The following ARHGEF40 variants were observed in gnomAD, a reference collection of about 807,000 sequenced individuals.
ARHGEF40 encodes the protein Rho guanine nucleotide exchange factor 40, also known as Rho guanine nucleotide exchange factor (GEF) 40.
In ARHGEF40, 98 loss-of-function variants were observed where a neutral mutation model predicts 165.9. That is an observed-to-expected ratio of 0.59 (90% CI 0.50 to 0.70). ARHGEF40 has a LOEUF of 0.70. Among genes scored for constraint, ARHGEF40 ranks in the 30% least tolerant of loss-of-function variants. The probability of loss-of-function intolerance (pLI) is 0.00; values close to 1 mark genes in which losing one functional copy is unlikely to be tolerated. For synonymous variants in ARHGEF40, 792 were observed against 814.3 expected (o/e 0.97, Z 0.47); for missense variants, 1,815 against 1,968.0 (o/e 0.92, Z 1.47).
chr14:21,065,821 G>A (rs866946511), upstream of ARHGEF40, among the ~76,000 whole-genome samples: 8 of 152,324 alleles, frequency 5.3e-5, no homozygotes, highest in South Asian at 6.2e-4. Flanking sequence ...AGAAGGGGCC[G>A]AATGCAGTGG....
At chr14:21,082,565 C>T in intron 15 of ARHGEF40, 87 bp downstream of exon 15, 1 of 1,374,070 alleles carries the variant, frequency 7.3e-7, no homozygotes, top group Non-Finnish European at 9.7e-7. Flanking sequence ...GTACCCACGG[C>T]CCTCTCCTCC....
Position 21,083,384 on chromosome 14 carries a change from CAAA to C in ARHGEF40, c.3574-437_3574-435del, listed in dbSNP as rs59831663. Among the ~76,000 whole-genome samples, 1,040 of 128,032 alleles carry C rather than the reference CAAA, an allele frequency of 8.1e-3. 9 individuals carry two copies. The highest frequency in any genetic ancestry group is 0.027 in the African/African-American group (960 of 35,274). The allele number at this position is 128,032 out of a possible 152,430, so 84.0% of individuals were successfully genotyped here. On this transcript the variant is annotated intron_variant, in intron 16 of 23. Transcript: ENST00000298694. The stretch of plus-strand genomic sequence containing the variant: ...TGAAACCCCATCTCTACTAGAAATA[CAAA>C]AAAAAAAAAAAAATTAGCCAGGCGT...
chr14:21,070,762 A>G lies in ARHGEF40; in HGVS notation c.3+363A>G. On this transcript the variant is annotated intron_variant, in intron 1 of 23. Transcript: ENST00000298694. The surrounding 1 kb of genome is among the most constrained non-coding windows in gnomAD (Gnocchi z 4.7). ...GGTCCGAGCTCCTTACCCGCGGGAG[A>G]CCCCTGCGGGTTGGTCCTGCAGCGA... 1 of 1,491,912 alleles carries G rather than the reference A, an allele frequency of 6.7e-7. No homozygotes were observed. Among genetic ancestry groups the G allele is most frequent in the South Asian group, 1.2e-5 (1 of 82,922 alleles). The allele number at this position is 1,491,912 out of a possible 1,614,324, so 92.4% of individuals were successfully genotyped here. A position where few individuals can be genotyped will look rare whatever the true frequency, so the allele number is the denominator to read the frequency against.
In ARHGEF40 at chr14:21,075,027, G is replaced by A. The variant is rs751864779; in HGVS notation, c.1297G>A (p.Glu433Lys). Residue 433 changes from glutamate to lysine, a missense_variant, in exon 3 of 24, where the codon GAG becomes AAG. By Grantham distance (56) the Glu-to-Lys change is moderately conservative (BLOSUM62 1). Coordinates refer to ENST00000298694, the MANE Select transcript of ARHGEF40 (RefSeq NM_018071.5). The surrounding 1 kb of genome is among the most constrained non-coding windows in gnomAD (Gnocchi z 4.5). ...HKLPECHLVK[E>K]EYEGSGKPES... ...GCTTCCAGAATGCCACCTGGTTAAG[G>A]AGGAATATGAAGGCTCAGGGAAGCC... 4 of 1,613,894 alleles carry A rather than the reference G, an allele frequency of 2.5e-6. No individual in the cohort carries two copies. The highest frequency in any genetic ancestry group is 1.7e-5 in the Admixed American group (1 of 59,996).
chr14:21,065,259 CA>C, the ARHGEF40 span, among the ~76,000 whole-genome samples: 1 of 151,676 alleles, frequency 6.6e-6, no homozygotes, highest in Non-Finnish European at 1.5e-5. Context: ...AACAAACAAA[CA>C]AAAAAAACCT....
chr14:21,071,009 C>T (rs919928392), intron 1 of ARHGEF40: 2 of 760,686 alleles, frequency 2.6e-6, no homozygotes, highest in Middle Eastern at 2.8e-4. Context: ...GGGGGGAGCT[C>T]ACAGTACCAG....
rs541008238 is a variant in ARHGEF40, at chr14:21,075,819, AC to A, written c.1739+57del. 604 of 1,580,726 alleles carry A rather than the reference AC, an allele frequency of 3.8e-4. 2 individuals carry two copies. In the African/African-American group the frequency reaches 7.6e-3, roughly 20 times the overall value. On this transcript the variant is annotated intron_variant, in intron 5 of 23. Transcript: ENST00000298694. This position sits in a 1 kb window ranked among gnomAD's most constrained non-coding sequence, Gnocchi z 4.5. The stretch of plus-strand genomic sequence containing the variant: ...GACACTAACCTCCTGATTCATGAGG[AC>A]CCTCACCTCCTTCTTCTCAGGACAC...
chr14:21,088,267 G>C (rs893400627), intron 22 of ARHGEF40, among the ~76,000 whole-genome samples, 169 bp downstream of exon 22: 1 of 152,076 alleles, frequency 6.6e-6, no homozygotes, highest in East Asian at 1.9e-4. Context: ...TCCTCTCCCC[G>C]GGACCTGGCT....
chr14:21,082,264 C>T lies in ARHGEF40; in HGVS notation c.3272C>T (p.Ser1091Phe), dbSNP rs774593890. 2 of 1,611,302 alleles carry T rather than the reference C, an allele frequency of 1.2e-6. No individual in the cohort carries two copies. The highest frequency in any genetic ancestry group is 1.7e-6 in the Non-Finnish European group (2 of 1,178,094). Residue 1091 changes from serine (S) to phenylalanine (F), a missense_variant, in exon 15 of 24, where the codon TCT becomes TTT. Ser to Phe is a radical substitution (Grantham distance 155, BLOSUM62 -2). Coordinates refer to ENST00000298694, the MANE Select transcript of ARHGEF40 (RefSeq NM_018071.5). ...TGCAGTGCCCAGCAGCGGCTGGTGT[C>T]TGAGCTGATTGCCTGTGAACAAGAT... Reference protein sequence around the residue: ...RSISAQQRLVSELIACEQDYV... With the variant: ...RSISAQQRLVFELIACEQDYV...
In ARHGEF40 at chr14:21,073,107, G is replaced by A. The variant is rs1363170505; in HGVS notation, c.66G>A (p.Glu22=). ...STLAALYPPF[E]ATAPTLLGQV... ...TCGCCGCCCTGTATCCACCCTTTGAGGCAACAGCCCCCACCCTGTTGGGCC... is the reference window on the plus strand; with the variant it reads ...TCGCCGCCCTGTATCCACCCTTTGAAGCAACAGCCCCCACCCTGTTGGGCC... The change falls in exon 2 of 24, where the codon GAG becomes GAA. Residue 22 remains glutamate (E), a synonymous_variant. Coordinates refer to ENST00000298694, the MANE Select transcript of ARHGEF40 (RefSeq NM_018071.5). The surrounding 1 kb of genome is among the most constrained non-coding windows in gnomAD (Gnocchi z 4.6). 8 of 1,613,998 alleles carry A rather than the reference G, an allele frequency of 5.0e-6. No homozygotes were observed. The highest frequency in any genetic ancestry group is 8.5e-7 in the Non-Finnish European group (1 of 1,180,030).
chr14:21,061,477 G>A, the ARHGEF40 span, among the ~76,000 whole-genome samples: 5 of 152,108 alleles, frequency 3.3e-5, no homozygotes, highest in African/African-American at 4.8e-5. Flanking sequence ...CCACTCTGAG[G>A]GTAATGACAC....
intron 16 of ARHGEF40, 134 bp downstream of exon 16, chr14:21,083,051 C>T (rs1291440581): frequency 8.8e-6 from 7 of 791,414 alleles, no homozygotes; most frequent in African/African-American, 8.6e-5. Flanking sequence ...CTAGAATTGC[C>T]GAGGGTGGGA....
chr14:21,079,452 G>A (rs988210108), intron 11 of ARHGEF40, among the ~76,000 whole-genome samples: 6 of 152,278 alleles, frequency 3.9e-5, no homozygotes, highest in Middle Eastern at 3.4e-3. Flanking sequence ...CTCTCCCTTG[G>A]AAGGAGAGAG....
In ARHGEF40 at chr14:21,070,308, C is replaced by T. The variant is rs1886599333; in HGVS notation, c.-89C>T. 5.1e-6 allele frequency: 7 copies of T among 1,363,140 alleles called. No individual in the cohort carries two copies. In the African/African-American group the frequency reaches 1.1e-4, roughly 21 times the overall value. 84.4% of individuals were successfully genotyped at this position (1,363,140 alleles called of 1,614,324 possible). A position where few individuals can be genotyped will look rare whatever the true frequency, so the allele number is the denominator to read the frequency against. ...GGCCGGAGCTGTCCCTTAGCCAGAC[C>T]CGGCGAGACACGAGCGGCGGGAGGG... On this transcript the variant is annotated 5_prime_UTR_variant, in exon 1 of 24. Coordinates refer to ENST00000298694, the MANE Select transcript of ARHGEF40 (RefSeq NM_018071.5). The surrounding 1 kb of genome is among the most constrained non-coding windows in gnomAD (Gnocchi z 4.7).
At position 21,075,271 on chromosome 14, in the gene ARHGEF40, G is replaced by A; in HGVS notation, c.1451-61G>A. The A allele has an allele frequency of 1.2e-6, 2 of 1,600,842 alleles. No individual in the cohort carries two copies. Among genetic ancestry groups the A allele is most frequent in the Non-Finnish European group, 1.7e-6 (2 of 1,173,700 alleles). On this transcript the variant is annotated intron_variant, in intron 3 of 23. Coordinates refer to ENST00000298694, the MANE Select transcript of ARHGEF40 (RefSeq NM_018071.5). The surrounding 1 kb of genome is among the most constrained non-coding windows in gnomAD (Gnocchi z 4.5). ...CAGGAGGAGGAGCAGGGTTAGGCTG[G>A]GAGCAGAACAACCAGAACCATCTTA...
intron 10 of ARHGEF40, 76 bp from the exon 11 acceptor site, chr14:21,078,808 C>T: frequency 1.9e-6 from 3 of 1,559,932 alleles, no homozygotes; most frequent in Non-Finnish European, 2.6e-6. Context: ...ATGTTTGCAT[C>T]CCTCAGAGGC....
In ARHGEF40 at chr14:21,081,965, A is replaced by C; in HGVS notation, c.3097A>C (p.Arg1033=). The change falls in exon 14 of 24, where the codon AGA becomes CGA. Residue 1033 remains arginine, a synonymous_variant. Coordinates refer to ENST00000298694, the MANE Select transcript of ARHGEF40 (RefSeq NM_018071.5). ...TCCAGAAGCAGAGGGCAGGCCCCCA[A>C]GAGCTGTGCTGATCCGAGGCCTGGA... is the stretch of plus-strand genomic sequence containing the variant. ...LAPEAEGRPP[R]AVLIRGLEVT... The C allele has an allele frequency of 6.2e-7, 1 of 1,600,426 alleles. No individual in the cohort carries two copies. Among genetic ancestry groups the C allele is most frequent in the Non-Finnish European group, 8.5e-7 (1 of 1,173,542 alleles).
At chr14:21,081,432 C>T in intron 13 of ARHGEF40, 77 bp from the exon 14 acceptor site, 1 of 1,557,334 alleles carries the variant, frequency 6.4e-7, no homozygotes, top group Non-Finnish European at 8.7e-7. Flanking sequence ...AGGACAAGGG[C>T]TGTCACTGGG....
At chr14:21,062,735 G>GTGTGTGTGTGTGTGTGTGTGTGTGTA in the ARHGEF40 span, among the ~76,000 whole-genome samples, 1 of 150,882 alleles carries the variant, frequency 6.6e-6, no homozygotes, top group South Asian at 2.1e-4. Context: ...GTGTGTGTGT[G>GTGTGTGTGTGTGTGTGTGTGTGTGTA]TGTGTGTGTG....
Sources: allele counts gnomAD v4.1 joint callset (sites outside exome capture counted in the v4.1 genomes callset), GRCh38; gene constraint gnomAD v4.1.1; non-coding constraint Gnocchi (gnomAD v3.1); transcripts MANE v1.5; gene names NCBI Gene and HGNC (gene_info 2026-07-23, HGNC 2026-07-21).